Variants in ETV6 observed in about 807,000 individuals in gnomAD.
The protein encoded by ETV6 is ETS variant transcription factor 6, also known as transcription factor ETV6.
In ETV6, 16 loss-of-function variants were observed where a neutral mutation model predicts 51.1. The observed-to-expected ratio is 0.31, with a 90% CI of 0.21 to 0.48. The LOEUF (loss-of-function observed/expected upper bound fraction) is 0.48. ETV6 is among the 20% of genes least tolerant of loss of function. ETV6 has a pLI of 0.99. For synonymous variants in ETV6, 240 were observed against 224.1 expected, an observed-to-expected ratio of 1.07 and a Z score of -0.64; for missense variants, 458 against 594.8, an observed-to-expected ratio of 0.77 and a Z score of 2.39.
At chr12:11,797,382 T>G (rs1945694900) in intron 2 of ETV6, among the ~76,000 whole-genome samples, 1 of 152,148 alleles carries the variant, frequency 6.6e-6, no homozygotes, top group African/African-American at 2.4e-5. Context: ...GTGAATGTGG[T>G]AAGGTGGCAG....
chr12:11,842,373 C>T, intron 3 of ETV6, among the ~76,000 whole-genome samples: 1 of 151,884 alleles, frequency 6.6e-6, no homozygotes, highest in Non-Finnish European at 1.5e-5. Flanking sequence ...TATCTTAGAG[C>T]ATTCTTTCCC....
chr12:11,813,784 C>G (rs2136424019), intron 2 of ETV6, among the ~76,000 whole-genome samples: 1 of 152,336 alleles, frequency 6.6e-6, no homozygotes, highest in East Asian at 1.9e-4. Context: ...TTAGGACAGG[C>G]CAAAGAAATC....
chr12:11,878,013 G>GA (rs1490367447), intron 5 of ETV6, among the ~76,000 whole-genome samples: 1 of 152,198 alleles, frequency 6.6e-6, no homozygotes, highest in African/African-American at 2.4e-5. Context: ...CACTGACAGG[G>GA]AAGGCCTGTG....
intron 2 of ETV6, among the ~76,000 whole-genome samples, chr12:11,781,423 A>G (rs1945412574): frequency 2.0e-5 from 3 of 152,212 alleles, no homozygotes; most frequent in South Asian, 2.1e-4. Flanking sequence ...TAGTTTTGCC[A>G]TGTGAAACCA....
chr12:11,880,120 C>G (rs1947066791), intron 5 of ETV6, among the ~76,000 whole-genome samples: 1 of 147,204 alleles, frequency 6.8e-6, no homozygotes, highest in Non-Finnish European at 1.5e-5. Flanking sequence ...ACCAAAGAAA[C>G]AAAACAATCA....
In ETV6 at chr12:11,893,841, T is replaced by TATATATACAC. The variant is rs1491290450; in HGVS notation, c.*2796_*2797insTATATACACA. 15 of 57,298 alleles carry TATATATACAC rather than the reference T, an allele frequency of 2.6e-4. No individual in the cohort carries two copies. Among genetic ancestry groups the TATATATACAC allele is most frequent in the African/African-American group, 8.9e-4 (14 of 15,674 alleles). The allele number at this position is 57,298 out of a possible 1,614,324, so 3.5% of individuals were successfully genotyped here. On this transcript the variant is annotated 3_prime_UTR_variant, in exon 8 of 8. Transcript: ENST00000396373. ...ATATATATATATATATATATATATA[T>TATATATACAC]ACACACACACACACATACACAAATA...
intron 2 of ETV6, among the ~76,000 whole-genome samples, chr12:11,763,668 C>G (rs2136341657): frequency 6.6e-6 from 1 of 152,328 alleles, no homozygotes; most frequent in East Asian, 1.9e-4. Flanking sequence ...ATTCCAGATA[C>G]CTGCTTCACA....
chr12:11,674,705 G>A (rs1398989449), intron 1 of ETV6, among the ~76,000 whole-genome samples: 2 of 151,264 alleles, frequency 1.3e-5, no homozygotes, highest in African/African-American at 4.9e-5. Context: ...GACCCTGGGT[G>A]AGCCAGCTGC....
chr12:11,799,191 C>G (rs1213290570), intron 2 of ETV6, among the ~76,000 whole-genome samples: 2 of 152,070 alleles, frequency 1.3e-5, no homozygotes, highest in African/African-American at 2.4e-5. Context: ...CCATGTAGCC[C>G]GAGGAGAGAA....
At chr12:11,871,728 G>T (rs1156548042) in intron 5 of ETV6, among the ~76,000 whole-genome samples, 2 of 152,318 alleles carry the variant, frequency 1.3e-5, no homozygotes, top group East Asian at 3.9e-4. Flanking sequence ...TGAGATGTGG[G>T]TGGGGCCTAC....
intron 1 of ETV6, chr12:11,751,968 TTTAC>T (rs1161785528): frequency 2.2e-5 from 8 of 362,130 alleles, no homozygotes; most frequent in Non-Finnish European, 3.9e-5. Context: ...AAGCTGTCAC[TTTAC>T]TTGATCAGCT....
At position 11,829,444 on chromosome 12, in the gene ETV6, A is replaced by G. The variant is rs148079827; in HGVS notation, c.164-9696A>G. 1.2e-3 allele frequency among the ~76,000 whole-genome samples: 177 copies of G among 152,330 alleles called. 1 individual carries two copies. The highest frequency in any genetic ancestry group is 4.2e-3 in the African/African-American group (175 of 41,566). On this transcript the variant is annotated intron_variant, in intron 2 of 7. Coordinates refer to ENST00000396373, the MANE Select transcript of ETV6 (RefSeq NM_001987.5). ...CTAACCCAGCGCTAGTAAGTGGTGC[A>G]GCCGGTGTTTTAACCCAGGACAATT...
chr12:11,714,781 G>A (rs1258040696), intron 1 of ETV6, among the ~76,000 whole-genome samples: 1 of 152,162 alleles, frequency 6.6e-6, no homozygotes, highest in African/African-American at 2.4e-5. Flanking sequence ...GGTGAGGAGG[G>A]CAGGGGCATG....
chr12:11,725,637 G>A (rs1865474253), intron 1 of ETV6, among the ~76,000 whole-genome samples: 1 of 152,182 alleles, frequency 6.6e-6, no homozygotes, highest in Non-Finnish European at 1.5e-5. Flanking sequence ...CAGTGTTGGA[G>A]GTGGGGCCTA....
rs543637859 is a variant in ETV6 at position 11,655,365 on chromosome 12, A to G, written c.33+5205A>G. ...TATTTGTTGAATAGAATGAGTGTGC[A>G]TTTACTCAGGGTTCCCACGCCAAAA... On this transcript the variant is annotated intron_variant, in intron 1 of 7. Transcript: ENST00000396373. Among the ~76,000 whole-genome samples the G allele has an allele frequency of 3.9e-5, 6 of 152,290 alleles. No individual in the cohort carries two copies. In the South Asian group the frequency reaches 8.3e-4, roughly 21 times the overall value.
intron 4 of ETV6, among the ~76,000 whole-genome samples, chr12:11,863,179 C>T (rs1946740281): frequency 6.6e-6 from 1 of 152,070 alleles, no homozygotes; most frequent in Non-Finnish European, 1.5e-5. Flanking sequence ...AGTTTTTTGT[C>T]TGTTTGTTTA....
chr12:11,827,824 C>A (rs984698903), intron 2 of ETV6, among the ~76,000 whole-genome samples: 1 of 152,132 alleles, frequency 6.6e-6, no homozygotes, highest in South Asian at 2.1e-4. Context: ...CAGAGATGGT[C>A]CGTGTGCGGT....
At chr12:11,650,496 C>CAAAAAAAA (rs1252618617) in intron 1 of ETV6, among the ~76,000 whole-genome samples, 2 of 111,428 alleles carry the variant, frequency 1.8e-5, no homozygotes, top group Non-Finnish European at 1.7e-5. Context: ...AAAAAAAAAA[C>CAAAAAAAA]AAAAAACAAA....
intron 5 of ETV6, among the ~76,000 whole-genome samples, chr12:11,883,276 C>CTTCTTCTTCTT (rs776231778): frequency 1.0e-4 from 8 of 79,116 alleles, no homozygotes; most frequent in Admixed American, 1.6e-4. Flanking sequence ...ATGTCTTCTT[C>CTTCTTCTTCTT]TTTTTTTTTT....
Sources: allele counts gnomAD v4.1 joint callset (sites outside exome capture counted in the v4.1 genomes callset), GRCh38; gene constraint gnomAD v4.1.1; transcripts MANE v1.5; gene names NCBI Gene and HGNC (gene_info 2026-07-23, HGNC 2026-07-21).